XIRP2: variants seen among roughly 807,000 people sequenced by gnomAD.
XIRP2 encodes the protein xin actin binding repeat containing 2.
A neutral mutation model predicts 277.0 loss-of-function variants in XIRP2; 236 were observed. That is an observed-to-expected ratio of 0.85 (90% confidence interval 0.77 to 0.95). XIRP2 has a LOEUF of 0.95. XIRP2 is among the 40% of genes least tolerant of loss of function. XIRP2 has a pLI of 0.00. For synonymous variants in XIRP2, 1,490 were observed against 1,416.5 expected, an observed-to-expected ratio of 1.05 and a Z score of -1.17; for missense variants, 4,640 against 4,157.5, an observed-to-expected ratio of 1.12 and a Z score of -3.19.
In XIRP2 at chr2:166,903,756, C is replaced by CG. The variant is rs751587350; in HGVS notation, c.276dup (p.Pro93AlafsTer16). ...GAGTAACAACACCAGGGAATATGGT[C>CG]GGCCAGAAGTGCTGAAGGAGGATTC... On this transcript the variant is annotated frameshift_variant, in exon 2 of 11. Coordinates refer to ENST00000409195, the MANE Select transcript of XIRP2 (RefSeq NM_152381.6). LOFTEE classifies it high-confidence loss of function. The CG allele has an allele frequency of 1.4e-5, 22 of 1,613,564 alleles. No individual in the cohort carries two copies. Among genetic ancestry groups the CG allele is most frequent in the Non-Finnish European group, 1.9e-5 (22 of 1,179,776 alleles).
At chr2:167,219,437 A>G (rs1481182522) in intron 5 of XIRP2, among the ~76,000 whole-genome samples, 1 of 152,220 alleles carries the variant, frequency 6.6e-6, no homozygotes. Flanking sequence ...CAAATTCTAC[A>G]TAGAAATATC....
chr2:167,053,962 T>C (rs1574208851), intron 2 of XIRP2, among the ~76,000 whole-genome samples: 1 of 152,166 alleles, frequency 6.6e-6, no homozygotes, highest in African/African-American at 2.4e-5. Context: ...AGTGAAACGA[T>C]CTGTATTATG....
In XIRP2 at chr2:167,205,638, A is replaced by T. The variant is rs1030193409; in HGVS notation, c.563-5097A>T. Among the ~76,000 whole-genome samples the T allele has an allele frequency of 4.1e-4, 63 of 152,164 alleles. 1 individual carries two copies. Among genetic ancestry groups the T allele is most frequent in the Non-Finnish European group, 5.9e-5 (4 of 68,022 alleles). ...TAATTTGTTTTTAAGGATACTTTGC[A>T]TGAAAGTAGCATAGTAATGATGACT... On this transcript the variant is annotated intron_variant, in intron 3 of 10. Coordinates refer to ENST00000409195, the MANE Select transcript of XIRP2 (RefSeq NM_152381.6).
chr2:167,251,390 TAA>T lies in XIRP2; in HGVS notation c.10000_10001del (p.Asn3334GlnfsTer7), dbSNP rs1489045269. The T allele has an allele frequency of 6.2e-7, 1 of 1,613,474 alleles. No homozygotes were observed. The highest frequency in any genetic ancestry group is 1.7e-5 in the Admixed American group (1 of 59,942). ...TTCGTGAATGACCCTGAAAATGAAA[TAA>T]ACAGATGGTTCAGGGAATTTGAGCA... On this transcript the variant is annotated frameshift_variant, in exon 9 of 11. Coordinates refer to ENST00000409195, the MANE Select transcript of XIRP2 (RefSeq NM_152381.6). LOFTEE classifies it high-confidence loss of function.
chr2:167,218,096 TA>T, intron 4 of XIRP2, 69 bp from the exon 5 acceptor site: 1 of 1,313,122 alleles, frequency 7.6e-7, no homozygotes, highest in Non-Finnish European at 1.0e-6. Flanking sequence ...CAACTATTTT[TA>T]AAATAGCTTC....
At chr2:166,921,338 G>T (rs1685033175) in intron 2 of XIRP2, among the ~76,000 whole-genome samples, 1 of 152,004 alleles carries the variant, frequency 6.6e-6, no homozygotes. Context: ...AGTAACAAAT[G>T]AGAATTCTTA....
intron 3 of XIRP2, among the ~76,000 whole-genome samples, chr2:167,159,994 A>G (rs1692314436): frequency 2.0e-5 from 3 of 152,344 alleles, no homozygotes; most frequent in Admixed American, 2.0e-4. Flanking sequence ...GTAGAATTAC[A>G]TGTGCAGGCT....
At chr2:167,152,299 A>G (rs1692041021) in intron 3 of XIRP2, among the ~76,000 whole-genome samples, 1 of 152,068 alleles carries the variant, frequency 6.6e-6, no homozygotes, top group South Asian at 2.1e-4. Flanking sequence ...CCAAAGACAC[A>G]GGGACACAGA....
chr2:166,918,750 G>C (rs1221631175), intron 2 of XIRP2, among the ~76,000 whole-genome samples: 6 of 151,998 alleles, frequency 3.9e-5, no homozygotes, highest in Non-Finnish European at 5.9e-5. Flanking sequence ...TTTTAAAATT[G>C]TACTATGGTT....
At chr2:166,931,896 T>G (rs1685350572) in intron 2 of XIRP2, among the ~76,000 whole-genome samples, 1 of 152,138 alleles carries the variant, frequency 6.6e-6, no homozygotes, top group Admixed American at 6.6e-5. Flanking sequence ...CATCAGTGGG[T>G]GAAAGTCTAG....
chr2:167,012,960 T>C (rs1687723129), intron 2 of XIRP2, among the ~76,000 whole-genome samples: 1 of 151,312 alleles, frequency 6.6e-6, no homozygotes, highest in South Asian at 2.1e-4. Context: ...AGTAGTAAAA[T>C]TTTTTATCAC....
intron 3 of XIRP2, among the ~76,000 whole-genome samples, chr2:167,202,188 G>A (rs1693740161): frequency 6.6e-6 from 1 of 152,048 alleles, no homozygotes; most frequent in Non-Finnish European, 1.5e-5. Context: ...TAATTTATTA[G>A]ACTAGTTCAA....
Position 167,247,690 on chromosome 2 carries a change from A to G in XIRP2, c.6298A>G (p.Arg2100Gly), listed in dbSNP as rs1222436078. 6.2e-7 allele frequency: 1 copy of G among 1,613,668 alleles called. No homozygotes were observed. Among genetic ancestry groups the G allele is most frequent in the Admixed American group, 1.7e-5 (1 of 59,946 alleles). ...KNNLTTKESD[R>G]AVRELKKDDV... ...TAATCTAACAACTAAAGAATCAGAC[A>G]GGGCAGTGAGAGAGCTGAAGAAGGA... The change falls in exon 9 of 11, where the codon AGG becomes GGG. Residue 2100 changes from arginine to glycine, a missense_variant. Physicochemically the swap from Arg to Gly is moderately radical, Grantham distance 125 (BLOSUM62 -2). Transcript: ENST00000409195.
At chr2:166,949,997 A>G (rs965199324) in intron 2 of XIRP2, among the ~76,000 whole-genome samples, 4 of 152,052 alleles carry the variant, frequency 2.6e-5, no homozygotes. Context: ...ATGAGCAGAA[A>G]CTGAACAACA....
At chr2:167,014,121 T>G (rs1687759005) in intron 2 of XIRP2, among the ~76,000 whole-genome samples, 1 of 151,668 alleles carries the variant, frequency 6.6e-6, no homozygotes, top group Admixed American at 6.6e-5. Context: ...CCCCCTCTTT[T>G]TATTGGTTTA....
intron 2 of XIRP2, among the ~76,000 whole-genome samples, chr2:166,988,484 G>A (rs1456897641): frequency 7.4e-6 from 1 of 134,364 alleles, no homozygotes; most frequent in Non-Finnish European, 1.6e-5. Context: ...AATAGGAACA[G>A]CTCCGGTCTA....
intron 2 of XIRP2, among the ~76,000 whole-genome samples, chr2:166,947,165 A>C (rs1185960433): frequency 6.6e-6 from 1 of 151,988 alleles, no homozygotes. Context: ...TTATGTTTTC[A>C]AAAAAAAGGT....
chr2:167,143,083 T>C (rs1308109977), intron 3 of XIRP2, among the ~76,000 whole-genome samples: 1 of 152,150 alleles, frequency 6.6e-6, no homozygotes, highest in African/African-American at 2.4e-5. Context: ...TGAATTCTTT[T>C]CGGTATCAGA....
intron 2 of XIRP2, among the ~76,000 whole-genome samples, chr2:166,937,169 A>G (rs1488850004): frequency 1.3e-5 from 2 of 152,154 alleles, no homozygotes; most frequent in Admixed American, 6.6e-5. Flanking sequence ...ATCCTGTGCC[A>G]GTTTCAAAGG....
Sources: allele counts gnomAD v4.1 joint callset (sites outside exome capture counted in the v4.1 genomes callset), GRCh38; gene constraint gnomAD v4.1.1; transcripts MANE v1.5; gene names NCBI Gene and HGNC (gene_info 2026-07-23, HGNC 2026-07-21).